Variants in KCNIP4 observed in about 807,000 individuals in gnomAD.
KCNIP4 encodes the protein potassium voltage-gated channel interacting protein 4, also known as Kv channel-interacting protein 4.
A neutral mutation model predicts 34.0 loss-of-function variants in KCNIP4; 12 were observed. That is an observed-to-expected ratio of 0.35 (90% CI 0.23 to 0.57). The LOEUF (loss-of-function observed/expected upper bound fraction) is 0.57. Among genes scored for constraint, KCNIP4 ranks in the 20% least tolerant of loss-of-function variants. The pLI, the probability that KCNIP4 is intolerant of heterozygous loss-of-function variation, is 0.83. For missense variants in KCNIP4, 238 were observed against 311.7 expected (o/e 0.76, Z 1.78); for synonymous variants, 124 against 102.2 (o/e 1.21, Z -1.29).
intron 1 of KCNIP4, among the ~76,000 whole-genome samples, chr4:21,010,051 C>A (rs1327545114): frequency 2.0e-5 from 3 of 152,204 alleles, no homozygotes; most frequent in African/African-American, 7.2e-5. Context: ...TGACCTAACC[C>A]AACCCTAATT....
At chr4:21,883,377 G>A (rs1041108820) in intron 1 of KCNIP4, among the ~76,000 whole-genome samples, 6 of 151,906 alleles carry the variant, frequency 3.9e-5, no homozygotes, top group African/African-American at 1.5e-4. Flanking sequence ...TCAAACCCTT[G>A]GCTTCAAGTG....
chr4:21,757,900 C>T (rs1717770019), intron 1 of KCNIP4, among the ~76,000 whole-genome samples: 1 of 152,146 alleles, frequency 6.6e-6, no homozygotes, highest in South Asian at 2.1e-4. Context: ...ATAGTCCATG[C>T]AGATGAAAAG....
chr4:21,249,347 G>A (rs1306552790), intron 1 of KCNIP4, among the ~76,000 whole-genome samples: 1 of 152,048 alleles, frequency 6.6e-6, no homozygotes, highest in African/African-American at 2.4e-5. Flanking sequence ...TCTCTCTTCC[G>A]ATGCATTAGT....
intron 1 of KCNIP4, among the ~76,000 whole-genome samples, chr4:21,339,583 A>C (rs897438583): frequency 3.3e-5 from 5 of 152,162 alleles, no homozygotes; most frequent in Non-Finnish European, 7.4e-5. Flanking sequence ...TGAAGTGGGG[A>C]TAAATAGAAA....
At position 20,877,607 on chromosome 4, in the gene KCNIP4, A is replaced by G. The variant is rs563423475; in HGVS notation, c.163+5001T>C. Reference sequence around the variant, plus strand: ...CTTATAGTAGGCTATTATTATTACTACTATTGTTATAATATGCTGTAAATC... The same window carrying G: ...CTTATAGTAGGCTATTATTATTACTGCTATTGTTATAATATGCTGTAAATC... On this transcript the variant is annotated intron_variant, in intron 2 of 8. Transcript: ENST00000382152. Among the ~76,000 whole-genome samples, 183 of 152,282 alleles carry G rather than the reference A, an allele frequency of 1.2e-3. 2 individuals are homozygous for G. The highest frequency in any genetic ancestry group is 4.1e-3 in the African/African-American group (172 of 41,548).
chr4:21,354,855 G>T (rs1718407645), intron 1 of KCNIP4, among the ~76,000 whole-genome samples: 1 of 152,128 alleles, frequency 6.6e-6, no homozygotes, highest in Admixed American at 6.5e-5. Flanking sequence ...ATTCTTCTCA[G>T]CACCACATCA....
At chr4:21,821,425 C>A (rs1722347918) in intron 1 of KCNIP4, among the ~76,000 whole-genome samples, 1 of 152,084 alleles carries the variant, frequency 6.6e-6, no homozygotes, top group Non-Finnish European at 1.5e-5. Flanking sequence ...AAAGAGAAGT[C>A]AGAGCCATTC....
intron 1 of KCNIP4, among the ~76,000 whole-genome samples, chr4:20,910,901 G>A (rs778009875): frequency 1.8e-4 from 27 of 152,112 alleles, no homozygotes; most frequent in Non-Finnish European, 3.8e-4. Context: ...GTTATTAACG[G>A]AAGCTTTTCC....
chr4:21,884,414 C>T (rs1388047818), intron 1 of KCNIP4, among the ~76,000 whole-genome samples: 1 of 152,056 alleles, frequency 6.6e-6, no homozygotes, highest in Non-Finnish European at 1.5e-5. Flanking sequence ...GAAATGCCCT[C>T]CTCGTCTAGC....
At chr4:21,336,866 A>T (rs1044506094) in intron 1 of KCNIP4, among the ~76,000 whole-genome samples, 16 of 152,116 alleles carry the variant, frequency 1.1e-4, no homozygotes, top group Admixed American at 4.6e-4. Flanking sequence ...GATGCAAAAC[A>T]CACATACGCA....
At chr4:21,354,827 G>A (rs1016338185) in intron 1 of KCNIP4, among the ~76,000 whole-genome samples, 3 of 152,064 alleles carry the variant, frequency 2.0e-5, no homozygotes, top group Non-Finnish European at 4.4e-5. Flanking sequence ...CTCTCCACCT[G>A]AAATCAACAG....
intron 3 of KCNIP4, among the ~76,000 whole-genome samples, chr4:20,845,383 T>A: frequency 6.6e-6 from 1 of 152,116 alleles, no homozygotes. Flanking sequence ...CTATGACCCC[T>A]CCCACCTTGT....
chr4:20,855,321 T>C (rs532288935), intron 2 of KCNIP4, among the ~76,000 whole-genome samples: 1 of 152,152 alleles, frequency 6.6e-6, no homozygotes, highest in South Asian at 2.1e-4. Flanking sequence ...AATAAAAACA[T>C]CCAGGCTCAG....
intron 1 of KCNIP4, among the ~76,000 whole-genome samples, chr4:21,140,508 G>T (rs935229918): frequency 1.3e-5 from 2 of 151,932 alleles, no homozygotes; most frequent in African/African-American, 4.8e-5. Context: ...CCTCCTCTGT[G>T]CCTCGATTTT....
chr4:21,659,021 T>C (rs1045058134), intron 1 of KCNIP4, among the ~76,000 whole-genome samples: 1 of 152,214 alleles, frequency 6.6e-6, no homozygotes, highest in Admixed American at 6.5e-5. Flanking sequence ...CAACAATATG[T>C]ATAATTTAAT....
At chr4:21,271,027 TTATAAAAGCTC>T (rs1230165578) in intron 1 of KCNIP4, among the ~76,000 whole-genome samples, 4 of 150,662 alleles carry the variant, frequency 2.7e-5, no homozygotes, top group Admixed American at 6.6e-5. Flanking sequence ...AAATTCTAAA[TTATAAAAGCTC>T]TATCCACTTA....
intron 1 of KCNIP4, among the ~76,000 whole-genome samples, chr4:21,374,401 T>G (rs1343640699): frequency 6.8e-6 from 1 of 146,738 alleles, no homozygotes; most frequent in Admixed American, 6.6e-5. Context: ...AACCATCAGA[T>G]CTAGTGAGAC....
At chr4:21,072,485 G>C (rs2109000599) in intron 1 of KCNIP4, among the ~76,000 whole-genome samples, 1 of 150,312 alleles carries the variant, frequency 6.7e-6, no homozygotes, top group Admixed American at 6.6e-5. Flanking sequence ...CTTTTTGATG[G>C]GGTTTTTTTT....
intron 1 of KCNIP4, among the ~76,000 whole-genome samples, chr4:21,358,012 C>T (rs1718826543): frequency 6.6e-6 from 1 of 152,196 alleles, no homozygotes; most frequent in South Asian, 2.1e-4. Flanking sequence ...AGTTCACATC[C>T]TTTGTAGGGA....
Sources: allele counts gnomAD v4.1 joint callset (sites outside exome capture counted in the v4.1 genomes callset), GRCh38; gene constraint gnomAD v4.1.1; transcripts MANE v1.5; gene names NCBI Gene and HGNC (gene_info 2026-07-23, HGNC 2026-07-21).